The following THSD7A variants were observed in gnomAD, a reference collection of about 807,000 sequenced individuals.
THSD7A encodes thrombospondin type-1 domain-containing protein 7A.
In THSD7A, 96 loss-of-function variants were observed where a neutral mutation model predicts 231.3. The observed-to-expected ratio is 0.41, with a 90% CI of 0.35 to 0.49. THSD7A has a LOEUF of 0.49. THSD7A is among the 20% of genes least tolerant of loss of function. The pLI is 0.05. For synonymous variants in THSD7A, 940 were observed against 743.3 expected (o/e 1.26, Z -4.30); for missense variants, 2,290 against 2,070.2 (o/e 1.11, Z -2.06).
chr7:11,617,826 G>T (rs1022019978), intron 2 of THSD7A, among the ~76,000 whole-genome samples: 3 of 152,094 alleles, frequency 2.0e-5, no homozygotes, highest in African/African-American at 7.2e-5. Context: ...AACACACACT[G>T]GGGCCTGTCG....
intron 1 of THSD7A, among the ~76,000 whole-genome samples, chr7:11,786,278 T>C (rs1264873841): frequency 6.6e-6 from 1 of 152,084 alleles, no homozygotes; most frequent in African/African-American, 2.4e-5. Flanking sequence ...AACTCAACTG[T>C]ACATTCTCCC....
intron 11 of THSD7A, among the ~76,000 whole-genome samples, chr7:11,454,852 T>G (rs1330239792): frequency 2.0e-5 from 3 of 152,028 alleles, no homozygotes; most frequent in Non-Finnish European, 2.9e-5. Context: ...TTACCTGTTT[T>G]CACAGCTTTC....
At chr7:11,584,003 T>G (rs1791283743) in intron 4 of THSD7A, among the ~76,000 whole-genome samples, 2 of 152,232 alleles carry the variant, frequency 1.3e-5, no homozygotes, top group African/African-American at 4.8e-5. Context: ...CTCTACTTAC[T>G]TGATTATCCT....
chr7:11,693,721 T>A (rs1041761036), intron 1 of THSD7A, among the ~76,000 whole-genome samples: 1 of 151,500 alleles, frequency 6.6e-6, no homozygotes, highest in African/African-American at 2.4e-5. Flanking sequence ...AATCATAGTG[T>A]CACTGCTGGA....
chr7:11,374,422 T>G lies in THSD7A; in HGVS notation c.*1372A>C, dbSNP rs1782182064. 6.6e-6 allele frequency: 1 copy of G among 152,094 alleles called. No homozygotes were observed. The highest frequency in any genetic ancestry group is 1.5e-5 in the Non-Finnish European group (1 of 67,988). The allele number at this position is 152,094 out of a possible 1,614,324, so 9.4% of individuals were successfully genotyped here. On this transcript the variant is annotated 3_prime_UTR_variant, in exon 28 of 28. Coordinates refer to ENST00000423059, the MANE Select transcript of THSD7A (RefSeq NM_015204.3). ...ATCATACATTGAAGAGAGAGATTGCTTCAAATTTTGCCAGTGAGAAAGGCA... is the reference window on the plus strand; with the variant it reads ...ATCATACATTGAAGAGAGAGATTGCGTCAAATTTTGCCAGTGAGAAAGGCA...
intron 6 of THSD7A, among the ~76,000 whole-genome samples, chr7:11,518,334 G>T (rs1237715798): frequency 1.3e-5 from 2 of 152,110 alleles, no homozygotes; most frequent in Middle Eastern, 3.2e-3. Flanking sequence ...AAGCGTGAGA[G>T]ACTGTGGAGA....
chr7:11,656,803 G>A (rs996960560), intron 1 of THSD7A, among the ~76,000 whole-genome samples: 4 of 151,780 alleles, frequency 2.6e-5, no homozygotes, highest in Non-Finnish European at 5.9e-5. Context: ...ACCTGAAGTC[G>A]GAAGGTGGGT....
chr7:11,805,033 C>A (rs992605219), intron 1 of THSD7A, among the ~76,000 whole-genome samples: 9 of 152,088 alleles, frequency 5.9e-5, no homozygotes, highest in African/African-American at 2.2e-4. Context: ...CCTATGGAAG[C>A]TTACAATTAA....
intron 1 of THSD7A, among the ~76,000 whole-genome samples, chr7:11,776,706 T>C (rs1464507880): frequency 6.6e-6 from 1 of 152,230 alleles, no homozygotes; most frequent in African/African-American, 2.4e-5. Context: ...TCATATCTAC[T>C]GGATAAACTG....
At chr7:11,613,309 AT>A in intron 2 of THSD7A, among the ~76,000 whole-genome samples, 1 of 152,284 alleles carries the variant, frequency 6.6e-6, no homozygotes, top group East Asian at 1.9e-4. Context: ...AAGTGTTTTG[AT>A]TTGATCCACT....
intron 1 of THSD7A, among the ~76,000 whole-genome samples, chr7:11,641,218 G>T (rs1390927636): frequency 1.3e-5 from 2 of 152,042 alleles, no homozygotes; most frequent in Non-Finnish European, 2.9e-5. Context: ...AATTATATTT[G>T]TAAAAGCTTT....
At chr7:11,424,568 C>T (rs374145502) in intron 16 of THSD7A, 128 bp downstream of exon 16, 2 of 1,303,704 alleles carry the variant, frequency 1.5e-6, no homozygotes, top group East Asian at 2.3e-5. Flanking sequence ...AGCACAGATT[C>T]CCTAAAAGCA....
chr7:11,585,242 C>A (rs1172913832), intron 4 of THSD7A, among the ~76,000 whole-genome samples: 1 of 152,238 alleles, frequency 6.6e-6, no homozygotes, highest in East Asian at 1.9e-4. Flanking sequence ...CCTTTTACCC[C>A]AACAGCTGAA....
chr7:11,464,655 G>A (rs759959733), intron 9 of THSD7A, among the ~76,000 whole-genome samples: 25 of 152,004 alleles, frequency 1.6e-4, no homozygotes, highest in Non-Finnish European at 3.2e-4. Flanking sequence ...CGTCCTTAAT[G>A]GATTCCAGAG....
rs1368783767 is a variant in THSD7A at position 11,814,210 on chromosome 7, C to A, written c.190+17547G>T. ...CTTGAATTGATTGTGGTAATGGATG[C>A]ACAAGTCTGTGGATATGCTAAAAGC... On this transcript the variant is annotated intron_variant, in intron 1 of 27. Coordinates refer to ENST00000423059, the MANE Select transcript of THSD7A (RefSeq NM_015204.3). The surrounding 1 kb of genome is among the most constrained non-coding windows in gnomAD (Gnocchi z 5.1). 6.6e-6 allele frequency among the ~76,000 whole-genome samples: 1 copy of A among 152,012 alleles called. No individual in the cohort carries two copies. Among genetic ancestry groups the A allele is most frequent in the African/African-American group, 2.4e-5 (1 of 41,398 alleles).
intron 6 of THSD7A, among the ~76,000 whole-genome samples, chr7:11,486,824 C>G (rs1786679231): frequency 6.6e-6 from 1 of 152,250 alleles, no homozygotes; most frequent in Admixed American, 6.5e-5. Flanking sequence ...ATAAACAAAC[C>G]TGCCAAAATA....
At chr7:11,460,813 G>A (rs1454146103) in intron 10 of THSD7A, 48 bp from the exon 11 acceptor site, 2 of 1,465,228 alleles carry the variant, frequency 1.4e-6, no homozygotes, top group East Asian at 2.4e-5. Flanking sequence ...AAAAATGCCA[G>A]CAAATCACAG....
At chr7:11,445,992 A>G (rs965838160) in intron 13 of THSD7A, 69 bp downstream of exon 13, 94 of 1,573,008 alleles carry the variant, frequency 6.0e-5, no homozygotes, top group African/African-American at 3.8e-4. Context: ...CCATTCCACT[A>G]TGATGCGTGT....
At chr7:11,460,594 C>A in intron 11 of THSD7A, 68 bp downstream of exon 11, 2 of 1,281,882 alleles carry the variant, frequency 1.6e-6, no homozygotes, top group Non-Finnish European at 1.1e-6. Flanking sequence ...GTCCAAGTGG[C>A]AAATGCATCA....
Sources: gnomAD v4.1 joint callset for allele counts (sites outside exome capture counted in the v4.1 genomes callset) on GRCh38, gnomAD v4.1.1 for gene constraint, Gnocchi (gnomAD v3.1) non-coding constraint, MANE v1.5 for transcripts, NCBI Gene and HGNC (gene_info 2026-07-23, HGNC 2026-07-21) for gene names.